The following EFCAB10 variants were observed in gnomAD, a reference collection of about 807,000 sequenced individuals.
EFCAB10 encodes EF-hand calcium binding domain 10, also known as EF-hand calcium-binding domain-containing protein 10.
Under a neutral mutation model 7.7 loss-of-function variants are expected in EFCAB10, and 7 were observed. The ratio of observed to expected loss-of-function variants is 0.91; its 90% confidence interval spans 0.52 to 1.72. The LOEUF (loss-of-function observed/expected upper bound fraction) is 1.72, where lower values mean the gene tolerates loss of function less well. Ranked by LOEUF, EFCAB10 falls within the 40% of genes most tolerant of loss-of-function variation. The pLI is 0.00. For missense variants in EFCAB10, 112 were observed against 61.5 expected (o/e 1.82, Z -2.74); for synonymous variants, 52 against 21.0 (o/e 2.47, Z -4.03).
At chr7:105,570,497 T>G (rs1380939184) in intron 1 of EFCAB10, among the ~76,000 whole-genome samples, 1 of 151,728 alleles carries the variant, frequency 6.6e-6, no homozygotes, top group Non-Finnish European at 1.5e-5. Flanking sequence ...AAAAGAGTAG[T>G]GATAGAGCAG....
intron 1 of EFCAB10, among the ~76,000 whole-genome samples, chr7:105,577,783 A>C (rs1001922896): frequency 1.3e-5 from 2 of 150,624 alleles, no homozygotes; most frequent in Non-Finnish European, 2.9e-5. Context: ...GCAGTGGTGC[A>C]ATCTCAGCTC....
At chr7:105,575,835 C>T (rs1435861386) in intron 1 of EFCAB10, among the ~76,000 whole-genome samples, 8 of 151,940 alleles carry the variant, frequency 5.3e-5, no homozygotes, top group Admixed American at 2.0e-4. Context: ...GTTGGGAGTT[C>T]GAGACCAGCC....
At chr7:105,578,935 G>A (rs1021774990) in intron 1 of EFCAB10, among the ~76,000 whole-genome samples, 1 of 152,112 alleles carries the variant, frequency 6.6e-6, no homozygotes, top group Non-Finnish European at 1.5e-5. Context: ...ACCATGCCTG[G>A]CTAATTTTTG....
At chr7:105,581,164 G>A (rs1202299122) in intron 1 of EFCAB10, among the ~76,000 whole-genome samples, 194 bp downstream of exon 1, 3 of 152,234 alleles carry the variant, frequency 2.0e-5, no homozygotes, top group South Asian at 2.1e-4. Flanking sequence ...AGGAGGTGGA[G>A]GTTGTAGTGA....
rs1562870858 is a variant in EFCAB10, at chr7:105,581,336, A to C, written c.106+22T>G. 4.3e-6 allele frequency: 3 copies of C among 702,714 alleles called. No homozygotes were observed. The South Asian group carries it at 4.4e-5, about 10-fold the overall frequency. The allele number at this position is 702,714 out of a possible 1,614,324, so 43.5% of individuals were successfully genotyped here. On this transcript the variant is annotated intron_variant, in intron 1 of 4. Coordinates refer to ENST00000480514, the MANE Select transcript of EFCAB10 (RefSeq NM_001355526.2). ...GAACCCCACATGGAGGTATGGCTGT[A>C]CCGGGGCATGGGGGCCCTTACCCGG...
At chr7:105,579,009 G>C (rs1792156245) in intron 1 of EFCAB10, among the ~76,000 whole-genome samples, 1 of 152,220 alleles carries the variant, frequency 6.6e-6, no homozygotes, top group Non-Finnish European at 1.5e-5. Flanking sequence ...TTGACCTCAA[G>C]TGATCCACCC....
At chr7:105,579,957 T>C (rs1792181505) in intron 1 of EFCAB10, among the ~76,000 whole-genome samples, 1 of 151,940 alleles carries the variant, frequency 6.6e-6, no homozygotes, top group African/African-American at 2.4e-5. Flanking sequence ...ACATAATATA[T>C]CCCTTGTTAT....
chr7:105,566,094 C>T (rs1791722606), intron 4 of EFCAB10, among the ~76,000 whole-genome samples: 1 of 142,984 alleles, frequency 7.0e-6, no homozygotes, highest in Non-Finnish European at 1.5e-5. Context: ...ATAGTGATAC[C>T]CCCATCTCTA....
chr7:105,568,955 A>G lies in EFCAB10; in HGVS notation c.359+248T>C, dbSNP rs908292195. ...ACAGAGCAAGACTCCATCTCAGGGA[A>G]AAAAAAAAAAAAAAAAAGAATGGAG... On this transcript the variant is annotated intron_variant, in intron 3 of 4. Coordinates refer to ENST00000480514, the MANE Select transcript of EFCAB10 (RefSeq NM_001355526.2). Among the ~76,000 whole-genome samples, 103 of 60,848 alleles carry G rather than the reference A, an allele frequency of 1.7e-3. 1 individual carries two copies. The highest frequency in any genetic ancestry group is 7.1e-3 in the Admixed American group (43 of 6,096). 39.9% of individuals were successfully genotyped at this position (60,848 alleles called of 152,430 possible).
chr7:105,570,909 C>A (rs1791933468), intron 1 of EFCAB10, among the ~76,000 whole-genome samples: 1 of 151,974 alleles, frequency 6.6e-6, no homozygotes. Context: ...CCTGTAGTCC[C>A]AGCTACTCGG....
At chr7:105,570,384 C>A (rs1046378390) in intron 1 of EFCAB10, among the ~76,000 whole-genome samples, 1 of 149,462 alleles carries the variant, frequency 6.7e-6, no homozygotes, top group African/African-American at 2.5e-5. Context: ...TCTAACAAAG[C>A]AATTTGGATA....
chr7:105,576,416 A>T (rs1227226659), intron 1 of EFCAB10, among the ~76,000 whole-genome samples: 1 of 151,836 alleles, frequency 6.6e-6, no homozygotes. Context: ...TTTGGTGTTT[A>T]TAAAGATATT....
intron 4 of EFCAB10, chr7:105,567,054 A>C: frequency 9.4e-7 from 1 of 1,061,310 alleles, no homozygotes; most frequent in Non-Finnish European, 1.3e-6. Flanking sequence ...AGGATTCTCA[A>C]AATTGTAATA....
chr7:105,572,206 C>T (rs1379542072), intron 1 of EFCAB10: 3 of 152,210 alleles, frequency 2.0e-5, no homozygotes, highest in Non-Finnish European at 4.4e-5. Context: ...AACATCTCCC[C>T]AATCCCCCTG....
chr7:105,566,271 C>T (rs2133487057), intron 4 of EFCAB10: 1 of 151,932 alleles, frequency 6.6e-6, no homozygotes, highest in African/African-American at 2.4e-5. Flanking sequence ...ATGTTTAATA[C>T]CTAATAGGCC....
intron 1 of EFCAB10, among the ~76,000 whole-genome samples, chr7:105,581,011 G>C (rs537012521): frequency 5.8e-4 from 89 of 152,328 alleles, no homozygotes; most frequent in Non-Finnish European, 9.4e-4. Context: ...CCTGAGGTCA[G>C]GAGTTCGAGA....
chr7:105,572,720 G>A (rs1307339798), intron 1 of EFCAB10: 1 of 152,188 alleles, frequency 6.6e-6, no homozygotes, highest in Non-Finnish European at 1.5e-5. Context: ...TTAGAGATGG[G>A]GTCTCATTAT....
intron 1 of EFCAB10, among the ~76,000 whole-genome samples, chr7:105,576,421 G>T (rs1471502219): frequency 1.3e-5 from 2 of 151,586 alleles, no homozygotes; most frequent in Non-Finnish European, 2.9e-5. Flanking sequence ...TGTTTATAAA[G>T]ATATTTTAAG....
chr7:105,574,763 G>A (rs569464015), intron 1 of EFCAB10, among the ~76,000 whole-genome samples: 5 of 151,826 alleles, frequency 3.3e-5, no homozygotes, highest in African/African-American at 4.8e-5. Flanking sequence ...GTTTACAAGC[G>A]TGAGCCACTG....
Sources: gnomAD v4.1 joint callset for allele counts (sites outside exome capture counted in the v4.1 genomes callset) on GRCh38, gnomAD v4.1.1 for gene constraint, MANE v1.5 for transcripts, NCBI Gene and HGNC (gene_info 2026-07-23, HGNC 2026-07-21) for gene names.